The following EFHC2 variants were observed in gnomAD, a reference collection of about 807,000 sequenced individuals.
EFHC2 encodes the protein EF-hand domain-containing family member C2.
In EFHC2, 18 loss-of-function variants were observed where a neutral mutation model predicts 52.7. The observed-to-expected ratio is 0.34, with a 90% CI of 0.24 to 0.51. The LOEUF (loss-of-function observed/expected upper bound fraction) is 0.51. Ranked by LOEUF, EFHC2 falls within the 20% of genes least tolerant of loss-of-function variation. The probability of loss-of-function intolerance (pLI) is 0.97; values close to 1 mark genes in which losing one functional copy is unlikely to be tolerated. For missense variants in EFHC2, 513 were observed against 562.5 expected (o/e 0.91, Z 0.89); for synonymous variants, 203 against 204.1 (o/e 0.99, Z 0.04).
chrX:44,294,266 G>A (rs2037812628), intron 2 of EFHC2, among the ~76,000 whole-genome samples: 1 of 85,979 alleles, frequency 1.2e-5, no homozygotes, highest in Non-Finnish European at 2.3e-5. Context: ...GTGTGTGTGT[G>A]TGTGTGTGTG....
chrX:44,332,582 C>T (rs996805284), intron 1 of EFHC2, among the ~76,000 whole-genome samples: 2 of 111,342 alleles, frequency 1.8e-5, no homozygotes, highest in African/African-American at 6.5e-5. Flanking sequence ...CTTTCTGCAA[C>T]TATAGAAACA....
chrX:44,215,669 T>C (rs755946182), intron 11 of EFHC2, among the ~76,000 whole-genome samples: 48 of 111,155 alleles, frequency 4.3e-4, no homozygotes, highest in African/African-American at 1.5e-3. Context: ...TTATTGTATA[T>C]GAATATAATT....
rs781464024 is a variant in EFHC2, at chrX:44,167,294, C to A, written c.2043-3267G>T. On this transcript the variant is annotated intron_variant, in intron 13 of 14. Transcript: ENST00000420999. The stretch of plus-strand genomic sequence containing the variant: ...TTCAAATGTTGCTTCCTTAGAAAGT[C>A]CTCCTGAAGTTCCTCTTATCTGAGT... Among the ~76,000 whole-genome samples, 7 of 112,233 alleles carry A rather than the reference C, an allele frequency of 6.2e-5. No individual in the cohort carries two copies. The East Asian group carries it at 1.7e-3, about 27-fold the overall frequency.
rs148993139 is a variant in EFHC2 at position 44,170,386 on chromosome X, C to G, written c.2042+5906G>C. On this transcript the variant is annotated intron_variant, in intron 13 of 14. Coordinates refer to ENST00000420999, the MANE Select transcript of EFHC2 (RefSeq NM_025184.4). The stretch of plus-strand genomic sequence containing the variant: ...TTAGATGAGGTTGTAAGGAGAGAAT[C>G]AGGACATAAGGAAGATCTCCAGTCC... Among the ~76,000 whole-genome samples the G allele has an allele frequency of 9.9e-5, 11 of 111,232 alleles. No homozygotes were observed. In the East Asian group the frequency reaches 3.1e-3, roughly 32 times the overall value.
intron 2 of EFHC2, among the ~76,000 whole-genome samples, chrX:44,289,769 C>T (rs2037779720): frequency 9.6e-6 from 1 of 104,183 alleles, no homozygotes; most frequent in South Asian, 4.7e-4. Flanking sequence ...GCAACCTCCA[C>T]CTTCCAGGTT....
chrX:44,301,663 C>T (rs1317309349), intron 2 of EFHC2, among the ~76,000 whole-genome samples: 1 of 112,037 alleles, frequency 8.9e-6, no homozygotes, highest in East Asian at 2.8e-4. Flanking sequence ...ATTTCTATCA[C>T]TTCCCCCACA....
chrX:44,207,771 T>C (rs2037059675), intron 11 of EFHC2, among the ~76,000 whole-genome samples: 1 of 110,490 alleles, frequency 9.1e-6, no homozygotes, highest in African/African-American at 3.3e-5. Context: ...AAAGGACTAA[T>C]ATACAGAATC....
chrX:44,160,730 G>C (rs1292159904), intron 14 of EFHC2, among the ~76,000 whole-genome samples: 3 of 110,930 alleles, frequency 2.7e-5, no homozygotes, highest in Admixed American at 9.6e-5. Context: ...GACCAGCGTG[G>C]CCAACATGGT....
intron 3 of EFHC2, among the ~76,000 whole-genome samples, chrX:44,262,531 A>AAAAAG (rs1556015629): frequency 8.5e-5 from 8 of 93,674 alleles, no homozygotes; most frequent in East Asian, 3.1e-4. Flanking sequence ...AAAAAAAAAA[A>AAAAAG]AAAAGAAAAG....
chrX:44,157,751 C>CCGCCAT lies in EFHC2; in HGVS notation c.2148+6170_2148+6171insATGGCG, dbSNP rs1194419190. On this transcript the variant is annotated intron_variant, in intron 14 of 14. Transcript: ENST00000420999. ...TGAGTGCTCCACCCCCCTCCCCGCC[C>CCGCCAT]CGCTTGGTTCCCTTAACCCTACCCA... Among the ~76,000 whole-genome samples, 21 of 35,874 alleles carry CCGCCAT rather than the reference C, an allele frequency of 5.9e-4. No homozygotes were observed. In the South Asian group the frequency reaches 0.015, roughly 26 times the overall value. The allele number at this position is 35,874 out of a possible 115,157, so 31.2% of individuals were successfully genotyped here.
At chrX:44,198,269 T>C (rs970332885) in intron 11 of EFHC2, among the ~76,000 whole-genome samples, 2 of 111,946 alleles carry the variant, frequency 1.8e-5, no homozygotes, top group East Asian at 5.5e-4. Flanking sequence ...ATTTATTTAT[T>C]CTAAAATGCC....
At chrX:44,323,572 A>G (rs2038035220) in intron 1 of EFHC2, among the ~76,000 whole-genome samples, 1 of 100,798 alleles carries the variant, frequency 9.9e-6, no homozygotes, top group South Asian at 4.6e-4. Context: ...TAGTAGTGGG[A>G]CATGAACTTT....
chrX:44,340,707 G>A (rs764971486), intron 1 of EFHC2, among the ~76,000 whole-genome samples: 4 of 111,112 alleles, frequency 3.6e-5, no homozygotes, highest in Admixed American at 1.9e-4. Flanking sequence ...ACCAACAAAC[G>A]TGTAAAACAT....
intron 3 of EFHC2, among the ~76,000 whole-genome samples, chrX:44,267,337 A>G (rs2037585662): frequency 8.9e-6 from 1 of 112,134 alleles, no homozygotes; most frequent in Admixed American, 9.5e-5. Flanking sequence ...AATGAAAGCA[A>G]GCCTTGAAGT....
intron 1 of EFHC2, among the ~76,000 whole-genome samples, chrX:44,315,009 G>A (rs1178763708): frequency 9.0e-6 from 1 of 111,621 alleles, no homozygotes; most frequent in African/African-American, 3.3e-5. Flanking sequence ...AGTGTTGGAG[G>A]TGGGGGCCTG....
chrX:44,218,014 C>T (rs1452908828), intron 11 of EFHC2, among the ~76,000 whole-genome samples: 1 of 111,221 alleles, frequency 9.0e-6, no homozygotes, highest in African/African-American at 3.3e-5. Context: ...AAAAAAGATT[C>T]AAGGGGAAAT....
intron 2 of EFHC2, among the ~76,000 whole-genome samples, chrX:44,311,289 CA>C (rs59567565): frequency 1.8e-5 from 2 of 108,804 alleles, no homozygotes; most frequent in Admixed American, 9.8e-5. Context: ...AACTAGGCTT[CA>C]AAAAAAAATG....
intron 1 of EFHC2, among the ~76,000 whole-genome samples, chrX:44,322,842 G>A (rs765295024): frequency 9.0e-5 from 10 of 110,899 alleles, no homozygotes; most frequent in South Asian, 3.8e-4. Context: ...GTGAAACCCC[G>A]TCTCTGCTAA....
intron 2 of EFHC2, among the ~76,000 whole-genome samples, chrX:44,311,256 T>G (rs1204994850): frequency 1.8e-5 from 2 of 111,362 alleles, no homozygotes; most frequent in African/African-American, 6.6e-5. Flanking sequence ...CCCTGTGGTC[T>G]GTTAGATCAC....
Sources: allele counts gnomAD v4.1 joint callset (sites outside exome capture counted in the v4.1 genomes callset), GRCh38; gene constraint gnomAD v4.1.1; transcripts MANE v1.5; gene names NCBI Gene and HGNC (gene_info 2026-07-23, HGNC 2026-07-21).